The following EYA2 variants were observed in gnomAD, a reference collection of about 807,000 sequenced individuals.
EYA2 encodes the protein protein phosphatase EYA2.
EYA2 carries 31 observed loss-of-function variants against 69.2 expected under a neutral mutation model. The ratio of observed to expected loss-of-function variants is 0.45; its 90% CI spans 0.34 to 0.60. EYA2 has a LOEUF of 0.60. Ranked by LOEUF, EYA2 falls within the 20% of genes least tolerant of loss-of-function variation. EYA2 has a pLI of 0.02. For missense variants in EYA2, 622 were observed against 701.2 expected, an observed-to-expected ratio of 0.89 and a Z score of 1.28; for synonymous variants, 257 against 279.4, an observed-to-expected ratio of 0.92 and a Z score of 0.80.
intron 1 of EYA2, among the ~76,000 whole-genome samples, chr20:46,966,652 C>CA (rs961104179): frequency 1.3e-5 from 2 of 151,676 alleles, no homozygotes; most frequent in Non-Finnish European, 2.9e-5. Flanking sequence ...ACTCAAAATA[C>CA]AAAAAAAATT....
At chr20:47,088,388 A>G (rs2031963120) in intron 7 of EYA2, among the ~76,000 whole-genome samples, 1 of 152,180 alleles carries the variant, frequency 6.6e-6, no homozygotes, top group Non-Finnish European at 1.5e-5. Flanking sequence ...AGCTACAGAT[A>G]AATACGTGTT....
intron 8 of EYA2, 97 bp from the exon 9 acceptor site, chr20:47,096,988 A>T (rs1328307385): frequency 1.1e-5 from 10 of 877,694 alleles, no homozygotes; most frequent in African/African-American, 1.7e-5. Flanking sequence ...ATGTTTTTCG[A>T]GACTTCTTTT....
intron 10 of EYA2, among the ~76,000 whole-genome samples, chr20:47,157,394 C>T (rs1400706501): frequency 1.4e-5 from 2 of 143,034 alleles, no homozygotes; most frequent in Non-Finnish European, 3.0e-5. Context: ...TACTAAGTAT[C>T]ATACCTGTGG....
intron 4 of EYA2, among the ~76,000 whole-genome samples, chr20:47,013,463 C>G (rs1983204993): frequency 6.6e-6 from 1 of 151,334 alleles, no homozygotes; most frequent in African/African-American, 2.4e-5. Flanking sequence ...TTAGAGGCAG[C>G]AACTTTTGTC....
intron 5 of EYA2, 92 bp from the exon 6 acceptor site, chr20:47,072,093 C>A: frequency 8.6e-7 from 1 of 1,167,396 alleles, no homozygotes; most frequent in African/African-American, 1.5e-5. Context: ...CTTGAAGCCA[C>A]ATGGAGGGAG....
chr20:47,125,776 G>A (rs747580530), intron 9 of EYA2, among the ~76,000 whole-genome samples: 2 of 152,168 alleles, frequency 1.3e-5, no homozygotes, highest in Non-Finnish European at 2.9e-5. Context: ...CCTTGTGGCA[G>A]AGTAATTATT....
At chr20:46,978,667 C>T in intron 1 of EYA2, 1 of 534,736 alleles carries the variant, frequency 1.9e-6, no homozygotes, top group Non-Finnish European at 3.8e-6. Flanking sequence ...TTTATGCTGT[C>T]ATTTGCTGCA....
intron 9 of EYA2, among the ~76,000 whole-genome samples, chr20:47,137,114 T>G (rs1184366321): frequency 2.0e-5 from 3 of 152,048 alleles, no homozygotes; most frequent in African/African-American, 7.2e-5. Flanking sequence ...CTACCTCCTC[T>G]CAGTTCATTC....
intron 1 of EYA2, among the ~76,000 whole-genome samples, chr20:46,971,686 T>A (rs1980155602): frequency 6.6e-6 from 1 of 152,248 alleles, no homozygotes; most frequent in Non-Finnish European, 1.5e-5. Context: ...TCAGTGGGAC[T>A]ATGGGGAACT....
At chr20:46,940,201 A>C (rs1461723173) in intron 1 of EYA2, among the ~76,000 whole-genome samples, 5 of 152,254 alleles carry the variant, frequency 3.3e-5, no homozygotes. Flanking sequence ...AAGAATGTGC[A>C]GGAACACAAG....
chr20:46,920,458 T>C (rs944700685), intron 1 of EYA2, among the ~76,000 whole-genome samples: 3 of 152,250 alleles, frequency 2.0e-5, no homozygotes, highest in Non-Finnish European at 4.4e-5. Flanking sequence ...TTTTTTGTTT[T>C]TAAATGTTTC....
chr20:46,965,779 G>A (rs377520725), intron 1 of EYA2, among the ~76,000 whole-genome samples: 5 of 152,346 alleles, frequency 3.3e-5, no homozygotes, highest in East Asian at 1.9e-4. Flanking sequence ...CTGCACGTAC[G>A]AGTGGCCCTT....
intron 5 of EYA2, among the ~76,000 whole-genome samples, chr20:47,047,712 G>A (rs543970925): frequency 2.0e-5 from 3 of 150,684 alleles, no homozygotes; most frequent in African/African-American, 7.3e-5. Flanking sequence ...TTAGGGACAA[G>A]GATATTGTCT....
intron 1 of EYA2, among the ~76,000 whole-genome samples, chr20:46,906,815 C>T (rs1011121656): frequency 6.6e-6 from 1 of 152,114 alleles, no homozygotes; most frequent in Non-Finnish European, 1.5e-5. Flanking sequence ...CTTTAACCAC[C>T]ATAAAAAATT....
At chr20:47,160,390 T>C (rs1012682551) in intron 10 of EYA2, among the ~76,000 whole-genome samples, 3 of 152,188 alleles carry the variant, frequency 2.0e-5, no homozygotes, top group African/African-American at 7.2e-5. Context: ...AATAAAACTT[T>C]ATTTACACAA....
intron 4 of EYA2, among the ~76,000 whole-genome samples, chr20:47,008,387 G>A (rs1245109910): frequency 2.6e-5 from 4 of 152,288 alleles, no homozygotes; most frequent in South Asian, 2.1e-4. Context: ...ACGGGGCTCC[G>A]ACGCCTGGCT....
chr20:47,055,341 T>A lies in EYA2; in HGVS notation c.416-16844T>A, dbSNP rs547099709. ...CCGAGGAGATCCTCTGCAGGAAGAA[T>A]AGGTATTTGGTCTTGGGATCCGCTG... On this transcript the variant is annotated intron_variant, in intron 5 of 15. Transcript: ENST00000327619. Among the ~76,000 whole-genome samples the A allele has an allele frequency of 2.6e-5, 4 of 152,342 alleles. No homozygotes were observed. In the South Asian group the frequency reaches 8.3e-4, roughly 32 times the overall value.
intron 1 of EYA2, among the ~76,000 whole-genome samples, chr20:46,950,952 A>T (rs1223786845): frequency 6.6e-6 from 1 of 152,216 alleles, no homozygotes; most frequent in African/African-American, 2.4e-5. Context: ...CTACACCCTG[A>T]TGGGAAAGGG....
intron 9 of EYA2, chr20:47,117,475 C>T (rs2032931668): frequency 1.0e-6 from 1 of 985,276 alleles, no homozygotes; most frequent in African/African-American, 1.7e-5. Context: ...CTCCTCTGCC[C>T]TCTCCGTTCC....
Sources: allele counts gnomAD v4.1 joint callset (sites outside exome capture counted in the v4.1 genomes callset), GRCh38; gene constraint gnomAD v4.1.1; transcripts MANE v1.5; gene names NCBI Gene and HGNC (gene_info 2026-07-23, HGNC 2026-07-21).